The following EVI5 variants were observed in gnomAD, a reference collection of about 807,000 sequenced individuals.
The protein encoded by EVI5 is ecotropic viral integration site 5.
EVI5 carries 73 observed loss-of-function variants against 112.0 expected under a neutral mutation model. The ratio of observed to expected loss-of-function variants is 0.65; its 90% confidence interval spans 0.54 to 0.79. The LOEUF (loss-of-function observed/expected upper bound fraction) is 0.79, where lower values mean the gene tolerates loss of function less well. Ranked by LOEUF, EVI5 falls within the 30% of genes least tolerant of loss-of-function variation. EVI5 has a pLI of 0.00. For missense variants in EVI5, 900 were observed against 968.8 expected (o/e 0.93, Z 0.94); for synonymous variants, 305 against 319.9 (o/e 0.95, Z 0.50).
chr1:92,662,254 G>A (rs777445447), intron 13 of EVI5, among the ~76,000 whole-genome samples: 1 of 152,074 alleles, frequency 6.6e-6, no homozygotes, highest in Non-Finnish European at 1.5e-5. Flanking sequence ...ATAGTATTTC[G>A]TAAGACACAA....
chr1:92,565,474 G>A (rs1360752915), intron 18 of EVI5, among the ~76,000 whole-genome samples: 1 of 152,028 alleles, frequency 6.6e-6, no homozygotes, highest in Non-Finnish European at 1.5e-5. Flanking sequence ...GGTTTAAAAC[G>A]TGTCTTACAA....
chr1:92,738,675 G>A (rs1414294434), intron 1 of EVI5, among the ~76,000 whole-genome samples: 1 of 152,104 alleles, frequency 6.6e-6, no homozygotes, highest in Non-Finnish European at 1.5e-5. Context: ...ACTAAAGACT[G>A]AACTTCAAGT....
chr1:92,758,082 A>C (rs1353158212), intron 1 of EVI5, among the ~76,000 whole-genome samples: 1 of 152,178 alleles, frequency 6.6e-6, no homozygotes, highest in Non-Finnish European at 1.5e-5. Flanking sequence ...CCAATCAAAT[A>C]TAGGTAAAGA....
chr1:92,589,589 G>C (rs1006590103), intron 18 of EVI5, among the ~76,000 whole-genome samples: 1 of 152,200 alleles, frequency 6.6e-6, no homozygotes, highest in Non-Finnish European at 1.5e-5. Flanking sequence ...CCACTGCCGA[G>C]GCTTGAGTAG....
intron 14 of EVI5, among the ~76,000 whole-genome samples, chr1:92,629,283 G>C (rs1178200776): frequency 1.3e-5 from 2 of 152,020 alleles, no homozygotes; most frequent in Non-Finnish European, 2.9e-5. Flanking sequence ...CACTTGTTCT[G>C]TTTCATTAAG....
chr1:92,516,748 TC>T (rs1659953622), intron 19 of EVI5, among the ~76,000 whole-genome samples: 1 of 152,176 alleles, frequency 6.6e-6, no homozygotes, highest in Non-Finnish European at 1.5e-5. Context: ...AGCTGGGCCC[TC>T]TAAAGTGCAG....
At chr1:92,553,351 G>A (rs1667237705) in intron 19 of EVI5, among the ~76,000 whole-genome samples, 1 of 133,016 alleles carries the variant, frequency 7.5e-6, no homozygotes, top group South Asian at 2.3e-4. Context: ...CACCCAGGCT[G>A]GAGTGCAGTG....
chr1:92,689,859 T>C lies in EVI5; in HGVS notation c.1097+3943A>G, dbSNP rs956782101. Among the ~76,000 whole-genome samples the C allele has an allele frequency of 2.0e-5, 3 of 152,102 alleles. No individual in the cohort carries two copies. The South Asian group carries it at 6.2e-4, about 32-fold the overall frequency. On this transcript the variant is annotated intron_variant, in intron 9 of 19. Coordinates refer to ENST00000684568, the MANE Select transcript of EVI5 (RefSeq NM_001350197.2). ...CACCATTCCCACTAACTCTTTTCTC[T>C]GGAAATTGGTAATTAAAGGGAATAA... is the stretch of plus-strand genomic sequence containing the variant.
At chr1:92,569,231 A>C (rs1276489163) in intron 18 of EVI5, among the ~76,000 whole-genome samples, 1 of 152,218 alleles carries the variant, frequency 6.6e-6, no homozygotes, top group Admixed American at 6.5e-5. Context: ...CTGGTTGCCT[A>C]AGAGTCATAC....
intron 1 of EVI5, among the ~76,000 whole-genome samples, chr1:92,744,592 TCTCTCTCTCACACACACACACA>T (rs1313290071): frequency 6.7e-5 from 1 of 14,848 alleles, no homozygotes; most frequent in Non-Finnish European, 1.6e-4. Context: ...AATATCTCTC[TCTCTCTCTCACACACACACACA>T]CACACACACA....
At chr1:92,571,964 C>A (rs1670384200) in intron 18 of EVI5, among the ~76,000 whole-genome samples, 1 of 152,070 alleles carries the variant, frequency 6.6e-6, no homozygotes, top group Non-Finnish European at 1.5e-5. Flanking sequence ...ACTGAAGAGA[C>A]CTTAAATACA....
chr1:92,609,111 C>G (rs1359587712), intron 16 of EVI5, among the ~76,000 whole-genome samples: 1 of 152,108 alleles, frequency 6.6e-6, no homozygotes, highest in Non-Finnish European at 1.5e-5. Context: ...TATGACCCAG[C>G]CAGAATTCTC....
Position 92,563,681 on chromosome 1 carries a change from A to C in EVI5, c.2127T>G (p.Ile709Met). 6.2e-7 allele frequency: 1 copy of C among 1,607,546 alleles called. No homozygotes were observed. The change falls in exon 19 of 20, where the codon ATT (isoleucine) becomes ATG (methionine). Residue 709 changes from isoleucine (I) to methionine (M), a missense_variant. By Grantham distance (10) the Ile-to-Met change is conservative. Transcript: ENST00000684568. ...CTGCTATCTGATCTTTCAGTTCCCC[A>C]ATATACTGGTTAGAATCAGACTTGT... ...QLNKSDSNQY[I>M]GELKDQIAEL... is the part of the protein sequence containing the mutation.
Position 92,669,547 on chromosome 1 carries a change from C to A in EVI5, c.1159-3555G>T, listed in dbSNP as rs866198002. 6.2e-4 allele frequency among the ~76,000 whole-genome samples: 32 copies of A among 51,814 alleles called. 1 individual carries two copies. The highest frequency in any genetic ancestry group is 2.4e-3 in the South Asian group (2 of 836). 34.0% of individuals were successfully genotyped at this position (51,814 alleles called of 152,430 possible). A position where few individuals can be genotyped will look rare whatever the true frequency, so the allele number is the denominator to read the frequency against. On this transcript the variant is annotated intron_variant, in intron 10 of 19. Coordinates refer to ENST00000684568, the MANE Select transcript of EVI5 (RefSeq NM_001350197.2). Reference sequence around the variant, plus strand: ...TGGGCAACGGAGCAAGGCTCTGTCTCAAAAAAAAAAAAAATCACTGGGAAA... The same window carrying A: ...TGGGCAACGGAGCAAGGCTCTGTCTAAAAAAAAAAAAAAATCACTGGGAAA...
At chr1:92,522,631 C>CAAAAAAAAAAA (rs61277173) in intron 19 of EVI5, among the ~76,000 whole-genome samples, 1 of 70,506 alleles carries the variant, frequency 1.4e-5, no homozygotes. Flanking sequence ...ACTCCATCTC[C>CAAAAAAAAAAA]AAAAAAAAAA....
chr1:92,679,051 G>A (rs1272328274), intron 9 of EVI5, among the ~76,000 whole-genome samples: 8 of 152,258 alleles, frequency 5.3e-5, no homozygotes, highest in East Asian at 1.9e-4. Flanking sequence ...GGAGGTGAAC[G>A]GCAGGCAAGT....
intron 14 of EVI5, among the ~76,000 whole-genome samples, chr1:92,630,950 C>G (rs1251511578): frequency 5.9e-5 from 9 of 152,186 alleles, no homozygotes; most frequent in Admixed American, 2.0e-4. Context: ...GCTTGTTTTT[C>G]TCAGGTTTGT....
At chr1:92,526,695 G>A (rs2101796296) in intron 19 of EVI5, among the ~76,000 whole-genome samples, 1 of 152,216 alleles carries the variant, frequency 6.6e-6, no homozygotes, top group South Asian at 2.1e-4. Context: ...AGTTCAGGAA[G>A]GAGAAGAGGG....
At chr1:92,609,016 T>C (rs1651125559) in intron 16 of EVI5, among the ~76,000 whole-genome samples, 2 of 152,250 alleles carry the variant, frequency 1.3e-5, no homozygotes, top group Admixed American at 1.3e-4. Flanking sequence ...CAATAAATGC[T>C]AGCTGTTTAT....
Sources: allele counts gnomAD v4.1 joint callset (sites outside exome capture counted in the v4.1 genomes callset), GRCh38; gene constraint gnomAD v4.1.1; transcripts MANE v1.5; gene names NCBI Gene and HGNC (gene_info 2026-07-23, HGNC 2026-07-21).